MBNL1: variants seen among roughly 807,000 people sequenced by gnomAD.
MBNL1 encodes muscleblind-like protein 1.
MBNL1 carries 8 observed loss-of-function variants against 42.2 expected under a neutral mutation model. The observed-to-expected ratio is 0.19, with a 90% CI of 0.11 to 0.34. The LOEUF (loss-of-function observed/expected upper bound fraction) is 0.34, where lower values mean the gene tolerates loss of function less well. Among genes scored for constraint, MBNL1 ranks in the 10% least tolerant of loss-of-function variants. The pLI is 1.00. For synonymous variants in MBNL1, 169 were observed against 173.9 expected, an observed-to-expected ratio of 0.97 and a Z score of 0.22; for missense variants, 309 against 495.3, an observed-to-expected ratio of 0.62 and a Z score of 3.57.
chr3:152,271,148 T>C (rs1350778115), intron 1 of MBNL1, among the ~76,000 whole-genome samples: 1 of 152,166 alleles, frequency 6.6e-6, no homozygotes, highest in Non-Finnish European at 1.5e-5. Flanking sequence ...TGGTTTGAGA[T>C]ATTATTGCTT....
chr3:152,363,115 ACAT>A (rs1429272109), intron 2 of MBNL1, among the ~76,000 whole-genome samples: 1 of 152,206 alleles, frequency 6.6e-6, no homozygotes, highest in African/African-American at 2.4e-5. Context: ...ATATGTAAGA[ACAT>A]CATCAGAAGA....
At chr3:152,440,154 T>C (rs1443070305) in intron 4 of MBNL1, among the ~76,000 whole-genome samples, 1 of 152,230 alleles carries the variant, frequency 6.6e-6, no homozygotes, top group Non-Finnish European at 1.5e-5. Flanking sequence ...CCTTTTAGGC[T>C]TCAAAGAATG....
chr3:152,422,185 C>A (rs533347505), intron 3 of MBNL1, among the ~76,000 whole-genome samples: 6 of 149,990 alleles, frequency 4.0e-5, no homozygotes, highest in African/African-American at 1.5e-4. Context: ...TCAGGATACC[C>A]ATCCTACGTG....
chr3:152,353,538 G>T (rs1279593462), intron 2 of MBNL1, among the ~76,000 whole-genome samples: 1 of 151,928 alleles, frequency 6.6e-6, no homozygotes, highest in African/African-American at 2.4e-5. Flanking sequence ...ATACTTGAGG[G>T]CCTGGATGAA....
At chr3:152,370,988 C>G (rs1435671178) in intron 2 of MBNL1, among the ~76,000 whole-genome samples, 1 of 152,018 alleles carries the variant, frequency 6.6e-6, no homozygotes, top group African/African-American at 2.4e-5. Context: ...GGGCATTTAG[C>G]CTGTTTACAT....
chr3:152,343,062 AT>A (rs1243670476), intron 2 of MBNL1, among the ~76,000 whole-genome samples: 1 of 152,148 alleles, frequency 6.6e-6, no homozygotes, highest in Non-Finnish European at 1.5e-5. Context: ...TGTCAAATCC[AT>A]TTAACCTCTC....
chr3:152,404,192 C>G (rs2098348720), intron 2 of MBNL1, among the ~76,000 whole-genome samples: 1 of 152,086 alleles, frequency 6.6e-6, no homozygotes, highest in African/African-American at 2.4e-5. Context: ...TTGTATTTGG[C>G]AAAGACAATG....
rs780628715 is a variant in MBNL1 at position 152,432,907 on chromosome 3, C to T, written c.536C>T (p.Thr179Ile). Reference protein sequence around the residue: ...AAAAAQKLMRTDRLEVCREYQ... With the variant: ...AAAAAQKLMRIDRLEVCREYQ... ...GCTGCTGCACAGAAATTAATGCGAA[C>T]AGACAGACTTGAGGTAGGAATGACT... The change falls in exon 4 of 10, where the codon ACA (threonine) becomes ATA (isoleucine). Residue 179 changes from threonine to isoleucine, a missense_variant. Physicochemically the swap from Thr to Ile is moderately conservative, Grantham distance 89. Coordinates refer to ENST00000324210, the MANE Select transcript of MBNL1 (RefSeq NM_021038.5). 6.2e-7 allele frequency: 1 copy of T among 1,612,888 alleles called. No individual in the cohort carries two copies. The highest frequency in any genetic ancestry group is 8.5e-7 in the Non-Finnish European group (1 of 1,178,922).
chr3:152,300,182 T>G lies in MBNL1; in HGVS notation c.-12T>G, dbSNP rs1299754408. ...TTTCACTGAAACATTTAACTACCTGTAAAATCTAAACATGGCTGTTAGTGT... is the reference window on the plus strand; with the variant it reads ...TTTCACTGAAACATTTAACTACCTGGAAAATCTAAACATGGCTGTTAGTGT... On this transcript the variant is annotated 5_prime_UTR_variant, in exon 2 of 10. Transcript: ENST00000324210. 1 of 1,556,416 alleles carries G rather than the reference T, an allele frequency of 6.4e-7. No homozygotes were observed. Among genetic ancestry groups the G allele is most frequent in the Middle Eastern group, 1.7e-4 (1 of 5,846 alleles).
intron 4 of MBNL1, among the ~76,000 whole-genome samples, chr3:152,442,867 G>T (rs2099162100): frequency 6.6e-6 from 1 of 152,102 alleles, no homozygotes; most frequent in African/African-American, 2.4e-5. Context: ...TTTCACAAGA[G>T]ATTTTCTCTT....
intron 1 of MBNL1, among the ~76,000 whole-genome samples, chr3:152,297,817 A>G (rs995233593): frequency 1.0e-3 from 153 of 151,828 alleles, no homozygotes; most frequent in Non-Finnish European, 1.3e-3. Context: ...CACCACGCCC[A>G]GCTAATTTTT....
At chr3:152,401,028 A>G (rs2098194915) in intron 2 of MBNL1, among the ~76,000 whole-genome samples, 1 of 152,142 alleles carries the variant, frequency 6.6e-6, no homozygotes, top group Admixed American at 6.5e-5. Flanking sequence ...CTATCTAAAT[A>G]AGAATTTCTG....
intron 3 of MBNL1, among the ~76,000 whole-genome samples, chr3:152,429,014 G>C (rs1389114192): frequency 6.6e-6 from 1 of 152,150 alleles, no homozygotes; most frequent in Non-Finnish European, 1.5e-5. Context: ...AGCGCCTACT[G>C]TGTGCCAGGC....
chr3:152,446,694 G>A, intron 5 of MBNL1: 1 of 1,613,494 alleles, frequency 6.2e-7, no homozygotes, highest in South Asian at 1.1e-5. Flanking sequence ...CTCGCTGCCT[G>A]CTAATTAAGA....
At chr3:152,323,562 A>C (rs2077651535) in intron 2 of MBNL1, among the ~76,000 whole-genome samples, 1 of 152,166 alleles carries the variant, frequency 6.6e-6, no homozygotes. Context: ...ATACTTACAC[A>C]AACCTAAATG....
At chr3:152,441,149 T>G (rs1178954540) in intron 4 of MBNL1, among the ~76,000 whole-genome samples, 2 of 152,212 alleles carry the variant, frequency 1.3e-5, no homozygotes, top group East Asian at 3.8e-4. Flanking sequence ...GGATATCTCC[T>G]TAAAGAATAT....
At chr3:152,335,143 C>T in intron 2 of MBNL1, 2 of 1,289,572 alleles carry the variant, frequency 1.6e-6, no homozygotes, top group South Asian at 1.2e-5. Context: ...TAAGGGGAAC[C>T]TTCTGGATCC....
At position 152,300,470 on chromosome 3, in the gene MBNL1, GT is replaced by G. The variant is rs1254804559; in HGVS notation, c.174+106del. On this transcript the variant is annotated intron_variant, in intron 2 of 9. Coordinates refer to ENST00000324210, the MANE Select transcript of MBNL1 (RefSeq NM_021038.5). ...GGGATTATGGATTGCTTTGTTCATA[GT>G]TTAGTTATACAGTGTGTTGATGATG... 5.9e-6 allele frequency: 6 copies of G among 1,015,374 alleles called. No individual in the cohort carries two copies. The African/African-American group carries it at 8.1e-5, about 14-fold the overall frequency. The allele number at this position is 1,015,374 out of a possible 1,614,324, so 62.9% of individuals were successfully genotyped here.
chr3:152,397,173 C>G (rs1223322975), intron 2 of MBNL1, among the ~76,000 whole-genome samples: 1 of 152,122 alleles, frequency 6.6e-6, no homozygotes, highest in African/African-American at 2.4e-5. Context: ...GCATTCCATT[C>G]TAAGACTTGT....
Sources: gnomAD v4.1 joint callset for allele counts (sites outside exome capture counted in the v4.1 genomes callset) on GRCh38, gnomAD v4.1.1 for gene constraint, MANE v1.5 for transcripts, NCBI Gene and HGNC (gene_info 2026-07-23, HGNC 2026-07-21) for gene names.